MDN1: variants seen among roughly 807,000 people sequenced by gnomAD.
MDN1 encodes the protein midasin.
Under a neutral mutation model 669.2 loss-of-function variants are expected in MDN1, and 266 were observed. The ratio of observed to expected loss-of-function variants is 0.40; its 90% CI spans 0.36 to 0.44. The LOEUF (loss-of-function observed/expected upper bound fraction) is 0.44. MDN1 is among the 20% of genes least tolerant of loss of function. MDN1 has a pLI of 1.00. For missense variants in MDN1, 5,940 were observed against 6,754.0 expected, an observed-to-expected ratio of 0.88 and a Z score of 4.22; for synonymous variants, 2,385 against 2,457.1, an observed-to-expected ratio of 0.97 and a Z score of 0.87.
chr6:89,719,312 G>C (rs1327806200), intron 40 of MDN1, 87 bp from the exon 41 acceptor site: 4 of 1,066,716 alleles, frequency 3.7e-6, no homozygotes, highest in East Asian at 2.5e-5. Context: ...ACAGTGATAA[G>C]AGTCACTATT....
At chr6:89,809,719 T>C (rs747085465) in intron 1 of MDN1, among the ~76,000 whole-genome samples, 24 of 150,804 alleles carry the variant, frequency 1.6e-4, no homozygotes, top group Non-Finnish European at 2.9e-4. Flanking sequence ...GAGGTTGCAG[T>C]AAGCCACGAT....
intron 35 of MDN1, 107 bp downstream of exon 35, chr6:89,730,619 G>C (rs1328425536): frequency 1.2e-6 from 1 of 833,168 alleles, no homozygotes; most frequent in African/African-American, 1.7e-5. Flanking sequence ...AACTCAGTTA[G>C]TGCAAATATA....
chr6:89,657,099 C>T (rs1313292491), intron 90 of MDN1, among the ~76,000 whole-genome samples: 1 of 152,198 alleles, frequency 6.6e-6, no homozygotes, highest in Non-Finnish European at 1.5e-5. Context: ...CAATTAGAAA[C>T]CAGGCTTCAT....
chr6:89,808,416 G>A (rs1445507652), intron 1 of MDN1, among the ~76,000 whole-genome samples: 1 of 152,150 alleles, frequency 6.6e-6, no homozygotes, highest in East Asian at 1.9e-4. Context: ...TTTAGCCCTA[G>A]AGTGTGGCCC....
chr6:89,667,811 C>G (rs1810367749), intron 84 of MDN1, among the ~76,000 whole-genome samples: 1 of 151,998 alleles, frequency 6.6e-6, no homozygotes. Context: ...ATAGCCAAAA[C>G]CAATGATGGA....
chr6:89,671,509 A>G (rs1810758835), intron 82 of MDN1, among the ~76,000 whole-genome samples: 1 of 152,028 alleles, frequency 6.6e-6, no homozygotes. Flanking sequence ...ATATAGCCAG[A>G]ACCCATCTTT....
chr6:89,757,451 C>G (rs749593916), intron 19 of MDN1, among the ~76,000 whole-genome samples: 25 of 152,100 alleles, frequency 1.6e-4, no homozygotes, highest in Non-Finnish European at 3.4e-4. Context: ...CAACAATATC[C>G]ACTGTCATAC....
intron 1 of MDN1, among the ~76,000 whole-genome samples, chr6:89,813,278 C>T (rs371403710): frequency 1.3e-5 from 2 of 151,870 alleles, no homozygotes; most frequent in African/African-American, 4.8e-5. Context: ...GGCTGGGCGC[C>T]GTGGCTCATG....
At chr6:89,659,054 C>G (rs1221477924) in intron 88 of MDN1, 137 bp from the exon 89 acceptor site, 3 of 787,208 alleles carry the variant, frequency 3.8e-6, no homozygotes, top group Non-Finnish European at 5.9e-6. Flanking sequence ...ACCCACAGGC[C>G]AAATCTGGCC....
chr6:89,667,891 A>C, intron 84 of MDN1, 123 bp downstream of exon 84: 1 of 1,227,070 alleles, frequency 8.1e-7, no homozygotes, highest in South Asian at 1.8e-5. Context: ...CAATATATCT[A>C]GGGCTCTGTA....
chr6:89,734,436 T>C (rs1815792181), intron 33 of MDN1, among the ~76,000 whole-genome samples: 2 of 151,944 alleles, frequency 1.3e-5, no homozygotes, highest in Admixed American at 1.3e-4. Context: ...ATGGCTCCTA[T>C]CTATAATCCC....
At chr6:89,740,090 T>C (rs1816202186) in intron 32 of MDN1, 144 bp downstream of exon 32, 3 of 892,912 alleles carry the variant, frequency 3.4e-6, no homozygotes, top group Non-Finnish European at 3.2e-6. Context: ...AATAATTATT[T>C]TAAAATATTT....
intron 45 of MDN1, among the ~76,000 whole-genome samples, chr6:89,715,435 A>G (rs1814289049): frequency 6.6e-6 from 1 of 152,224 alleles, no homozygotes; most frequent in Non-Finnish European, 1.5e-5. Flanking sequence ...ATGCAAGGCA[A>G]GGACCTTGCC....
At chr6:89,687,791 T>G (rs1812118668) in intron 67 of MDN1, among the ~76,000 whole-genome samples, 1 of 152,126 alleles carries the variant, frequency 6.6e-6, no homozygotes, top group African/African-American at 2.4e-5. Flanking sequence ...GGGAACCGTG[T>G]ATGTGGGCAC....
intron 19 of MDN1, among the ~76,000 whole-genome samples, chr6:89,757,702 G>C (rs181548421): frequency 7.8e-4 from 119 of 152,216 alleles, no homozygotes; most frequent in African/African-American, 2.7e-3. Context: ...CTTGAGCCCA[G>C]TGAGAGACCA....
At chr6:89,722,864 A>AT in intron 40 of MDN1, 91 bp downstream of exon 40, 1 of 1,149,560 alleles carries the variant, frequency 8.7e-7, no homozygotes, top group African/African-American at 1.6e-5. Flanking sequence ...AAAAAAAAAA[A>AT]AAAGGCTTGC....
At chr6:89,755,290 T>C (rs1025555835) in intron 20 of MDN1, among the ~76,000 whole-genome samples, 3 of 151,504 alleles carry the variant, frequency 2.0e-5, no homozygotes, top group African/African-American at 7.3e-5. Context: ...AACCCTGTAA[T>C]TCCAGCACTT....
Position 89,700,192 on chromosome 6 carries a change from G to C in MDN1, c.8741C>G (p.Ser2914Cys), listed in dbSNP as rs1444882612. 2 of 1,614,094 alleles carry C rather than the reference G, an allele frequency of 1.2e-6. No homozygotes were observed. Among genetic ancestry groups the C allele is most frequent in the Non-Finnish European group, 1.7e-6 (2 of 1,180,032 alleles). ...EKKHDEASSL[S>C]HPDLTSVIHL... ...GATTACGGAGGTCAAGTCTGGATGGGACAGGGAGGAAGCTTCATCATGCTT... is the reference window on the plus strand; with the variant it reads ...GATTACGGAGGTCAAGTCTGGATGGCACAGGGAGGAAGCTTCATCATGCTT... Residue 2914 changes from serine (S) to cysteine (C), a missense_variant, in exon 57 of 102, where the codon TCC becomes TGC. By Grantham distance (112) the Ser-to-Cys change is moderately radical (BLOSUM62 -1). This residue lies in a region of MDN1 where 2,292 missense variants were observed against 2,638.3 expected (regional missense o/e 0.87). Transcript: ENST00000369393.
intron 95 of MDN1, among the ~76,000 whole-genome samples, chr6:89,651,142 C>T (rs1403670612): frequency 4.0e-5 from 6 of 149,766 alleles, no homozygotes; most frequent in Non-Finnish European, 7.4e-5. Flanking sequence ...ATGGTGAAAC[C>T]CTGTCTCTAC....
Sources: gnomAD v4.1 joint callset for allele counts (sites outside exome capture counted in the v4.1 genomes callset) on GRCh38, gnomAD v4.1.1 for gene constraint, gnomAD v4.1.1 regional missense constraint, MANE v1.5 for transcripts, NCBI Gene and HGNC (gene_info 2026-07-23, HGNC 2026-07-21) for gene names.